COG5: variants seen among roughly 807,000 people sequenced by gnomAD.
COG5 encodes component of oligomeric golgi complex 5.
A neutral mutation model predicts 110.4 loss-of-function variants in COG5; 86 were observed. The ratio of observed to expected loss-of-function variants is 0.78; its 90% CI spans 0.65 to 0.93. COG5 has a LOEUF of 0.93. Ranked by LOEUF, COG5 falls within the 40% of genes least tolerant of loss-of-function variation. The pLI is 0.00. For missense variants in COG5, 1,077 were observed against 987.0 expected (o/e 1.09, Z -1.22); for synonymous variants, 360 against 334.6 (o/e 1.08, Z -0.83).
chr7:107,238,659 C>T (rs1019114298), intron 17 of COG5, among the ~76,000 whole-genome samples: 1 of 152,122 alleles, frequency 6.6e-6, no homozygotes, highest in South Asian at 2.1e-4. Flanking sequence ...CTTTCACACT[C>T]GGTATCTTTC....
intron 15 of COG5, 101 bp from the exon 16 acceptor site, chr7:107,256,895 A>G: frequency 2.6e-6 from 2 of 769,002 alleles, no homozygotes; most frequent in Non-Finnish European, 4.6e-6. Flanking sequence ...CAAAGTATAT[A>G]TACAATATTA....
chr7:107,425,666 C>T (rs1793596196), intron 6 of COG5, among the ~76,000 whole-genome samples: 1 of 152,108 alleles, frequency 6.6e-6, no homozygotes, highest in African/African-American at 2.4e-5. Context: ...AATATCTACT[C>T]TCTAATCTAC....
At chr7:107,435,058 T>C (rs997455673) in intron 6 of COG5, among the ~76,000 whole-genome samples, 5 of 151,810 alleles carry the variant, frequency 3.3e-5, no homozygotes, top group Admixed American at 3.3e-4. Context: ...CAGTCACAAA[T>C]AGACAAACAC....
chr7:107,447,457 GT>G (rs1795075784), intron 6 of COG5, among the ~76,000 whole-genome samples: 1 of 152,118 alleles, frequency 6.6e-6, no homozygotes, highest in Non-Finnish European at 1.5e-5. Flanking sequence ...AATGTTTGTT[GT>G]TTTAAACTTT....
intron 10 of COG5, among the ~76,000 whole-genome samples, chr7:107,344,315 G>A (rs1811417105): frequency 6.6e-6 from 1 of 152,128 alleles, no homozygotes; most frequent in Non-Finnish European, 1.5e-5. Flanking sequence ...TACAGGAGTA[G>A]CTTTTTTCCC....
chr7:107,414,835 C>T (rs1483095363), intron 6 of COG5, among the ~76,000 whole-genome samples: 1 of 148,950 alleles, frequency 6.7e-6, no homozygotes, highest in African/African-American at 2.4e-5. Context: ...CAAAGTGATT[C>T]CCCTGCCTCA....
At chr7:107,262,264 T>A (rs1202455664) in intron 14 of COG5, among the ~76,000 whole-genome samples, 1 of 152,130 alleles carries the variant, frequency 6.6e-6, no homozygotes, top group African/African-American at 2.4e-5. Context: ...TCATGCTATC[T>A]CACAGGAGTC....
chr7:107,480,582 C>T (rs566770569), intron 6 of COG5, among the ~76,000 whole-genome samples: 3 of 151,996 alleles, frequency 2.0e-5, no homozygotes, highest in African/African-American at 7.2e-5. Flanking sequence ...TAGAGAAATA[C>T]GAATAGAATA....
intron 17 of COG5, among the ~76,000 whole-genome samples, chr7:107,238,516 A>G (rs1801373648): frequency 9.2e-5 from 14 of 152,216 alleles, no homozygotes; most frequent in Admixed American, 9.2e-4. Context: ...TTATGTATCC[A>G]GAAGTGGGAC....
Position 107,215,659 on chromosome 7 carries a change from C to T in COG5, c.2169-4434G>A, listed in dbSNP as rs148018254. On this transcript the variant is annotated intron_variant, in intron 19 of 21. Coordinates refer to ENST00000297135, the MANE Select transcript of COG5 (RefSeq NM_006348.5). ...CAGCCTGGGTGACAGAGTGAGACTC[C>T]GTCTCAAACAAACAAACAAACAAAC... is the stretch of plus-strand genomic sequence containing the variant. 4.6e-3 allele frequency among the ~76,000 whole-genome samples: 693 copies of T among 150,876 alleles called. 4 individuals carry two copies. Among genetic ancestry groups the T allele is most frequent in the East Asian group, 0.022 (111 of 5,140 alleles).
At chr7:107,289,439 T>TTTC (rs998501154) in intron 12 of COG5, among the ~76,000 whole-genome samples, 11 of 152,122 alleles carry the variant, frequency 7.2e-5, no homozygotes, top group Admixed American at 2.0e-4. Flanking sequence ...CTACACTCTT[T>TTTC]TTCTTCTTCT....
chr7:107,268,376 T>C (rs1183787781), intron 14 of COG5, among the ~76,000 whole-genome samples: 1 of 152,230 alleles, frequency 6.6e-6, no homozygotes, highest in Admixed American at 6.5e-5. Flanking sequence ...TTTCTGTATA[T>C]TCGTTTTAAT....
At chr7:107,463,655 G>A (rs953715143) in intron 6 of COG5, among the ~76,000 whole-genome samples, 1 of 152,134 alleles carries the variant, frequency 6.6e-6, no homozygotes, top group African/African-American at 2.4e-5. Flanking sequence ...ACCCCCTGTA[G>A]GAACACAGAC....
rs67581814 is a variant in COG5 at position 107,395,541 on chromosome 7, CTTTTTTTTT to C, written c.669+16952_669+16960del. Among the ~76,000 whole-genome samples, 52 of 50,032 alleles carry C rather than the reference CTTTTTTTTT, an allele frequency of 1.0e-3. No homozygotes were observed. The East Asian group carries it at 0.013, about 13-fold the overall frequency. 32.8% of individuals were successfully genotyped at this position (50,032 alleles called of 152,430 possible). Reference sequence around the variant, plus strand: ...AAATCGTCTTTACCATGAAGCAGATCTTTTTTTTTTTTTTTTTTTTTTTTTTTTTTGAGA... The same window carrying C: ...AAATCGTCTTTACCATGAAGCAGATCTTTTTTTTTTTTTTTTTTTTTGAGA... On this transcript the variant is annotated intron_variant, in intron 7 of 21. Transcript: ENST00000297135.
At chr7:107,350,075 T>C (rs1197289462) in intron 10 of COG5, among the ~76,000 whole-genome samples, 4 of 152,202 alleles carry the variant, frequency 2.6e-5, no homozygotes, top group Non-Finnish European at 5.9e-5. Flanking sequence ...GCCTAGAACT[T>C]TTTATCAGAC....
chr7:107,456,315 C>T (rs2129097278), intron 6 of COG5, among the ~76,000 whole-genome samples: 1 of 152,246 alleles, frequency 6.6e-6, no homozygotes, highest in East Asian at 1.9e-4. Flanking sequence ...GTTGTAAAAA[C>T]AGATTTAAAA....
intron 7 of COG5, among the ~76,000 whole-genome samples, chr7:107,373,508 T>C (rs1416938804): frequency 6.6e-6 from 1 of 152,064 alleles, no homozygotes; most frequent in Non-Finnish European, 1.5e-5. Context: ...CAAAGGAAGA[T>C]ATGGGAAAAT....
At chr7:107,491,176 C>T (rs1199872205) in intron 6 of COG5, among the ~76,000 whole-genome samples, 1 of 152,124 alleles carries the variant, frequency 6.6e-6, no homozygotes, top group Non-Finnish European at 1.5e-5. Flanking sequence ...AGCATACAAA[C>T]AAAATACCTT....
intron 6 of COG5, among the ~76,000 whole-genome samples, chr7:107,449,277 G>A (rs1795189372): frequency 6.6e-6 from 1 of 152,128 alleles, no homozygotes; most frequent in Non-Finnish European, 1.5e-5. Context: ...AACCACCATG[G>A]CACATGTATA....
Sources: gnomAD v4.1 joint callset for allele counts (sites outside exome capture counted in the v4.1 genomes callset) on GRCh38, gnomAD v4.1.1 for gene constraint, MANE v1.5 for transcripts, NCBI Gene and HGNC (gene_info 2026-07-23, HGNC 2026-07-21) for gene names.